Variants in TRIM33 observed in about 807,000 individuals in gnomAD.
TRIM33 encodes E3 ubiquitin-protein ligase TRIM33.
TRIM33 carries 20 observed loss-of-function variants against 125.4 expected under a neutral mutation model. That is an observed-to-expected ratio of 0.16 (90% CI 0.11 to 0.23). The LOEUF (loss-of-function observed/expected upper bound fraction) is 0.23, where lower values mean the gene tolerates loss of function less well. Ranked by LOEUF, TRIM33 falls within the 10% of genes least tolerant of loss-of-function variation. TRIM33 has a pLI of 1.00. For synonymous variants in TRIM33, 564 were observed against 513.9 expected (o/e 1.10, Z -1.32); for missense variants, 920 against 1,411.4 (o/e 0.65, Z 5.58).
At chr1:114,479,349 TCAAAC>T (rs533054493) in intron 1 of TRIM33, among the ~76,000 whole-genome samples, 117 of 151,128 alleles carry the variant, frequency 7.7e-4, no homozygotes, top group African/African-American at 2.8e-3. Context: ...ACGAAATGAA[TCAAAC>T]CAAACACATC....
Position 114,479,211 on chromosome 1 carries a change from G to A in TRIM33, c.527-14823C>T, listed in dbSNP as rs373123131. On this transcript the variant is annotated intron_variant, in intron 1 of 19. Coordinates refer to ENST00000358465, the MANE Select transcript of TRIM33 (RefSeq NM_015906.4). Reference sequence around the variant, plus strand: ...AGCTCCCAACATAAATGTAATAAAAGTCACAGGACATAAGAGCAAAGAAAT... The same window carrying A: ...AGCTCCCAACATAAATGTAATAAAAATCACAGGACATAAGAGCAAAGAAAT... Among the ~76,000 whole-genome samples, 5 of 152,256 alleles carry A rather than the reference G, an allele frequency of 3.3e-5. No individual in the cohort carries two copies. The East Asian group carries it at 5.8e-4, about 18-fold the overall frequency.
At chr1:114,443,782 T>G (rs2101258070) in intron 4 of TRIM33, among the ~76,000 whole-genome samples, 1 of 151,746 alleles carries the variant, frequency 6.6e-6, no homozygotes, top group Admixed American at 6.6e-5. Flanking sequence ...GCCTGTAATC[T>G]AAACACTTTG....
intron 4 of TRIM33, among the ~76,000 whole-genome samples, chr1:114,438,158 G>A (rs1648421397): frequency 6.6e-6 from 1 of 152,116 alleles, no homozygotes; most frequent in Non-Finnish European, 1.5e-5. Flanking sequence ...TAAGTCCTGT[G>A]CCCTACTACT....
At chr1:114,472,102 T>TA (rs1650689211) in intron 1 of TRIM33, among the ~76,000 whole-genome samples, 1 of 152,194 alleles carries the variant, frequency 6.6e-6, no homozygotes, top group African/African-American at 2.4e-5. Flanking sequence ...TGTGAACACT[T>TA]ATGCATCCCA....
At position 114,401,439 on chromosome 1, in the gene TRIM33, G is replaced by A. The variant is rs763180257; in HGVS notation, c.2917C>T (p.Leu973Phe). 2 of 1,612,304 alleles carry A rather than the reference G, an allele frequency of 1.2e-6. No individual in the cohort carries two copies. The highest frequency in any genetic ancestry group is 2.2e-5 in the South Asian group (2 of 90,982). The change falls in exon 17 of 20, where the codon CTC becomes TTC. Residue 973 changes from leucine (L) to phenylalanine (F), a missense_variant. Physicochemically the swap from Leu to Phe is conservative, Grantham distance 22. Coordinates refer to ENST00000358465, the MANE Select transcript of TRIM33 (RefSeq NM_015906.4). ...TCAATACTTAATTCATGGCAATAGA[G>A]GTAAAGCAGAAGACGTTCACATTTC... Reference protein sequence around the residue: ...QRKCERLLLYLYCHELSIEFQ... With the variant: ...QRKCERLLLYFYCHELSIEFQ...
At chr1:114,432,005 G>C (rs1420781075) in intron 5 of TRIM33, among the ~76,000 whole-genome samples, 2 of 152,200 alleles carry the variant, frequency 1.3e-5, no homozygotes, top group African/African-American at 4.8e-5. Flanking sequence ...TAAGTCTACT[G>C]TATGTTCAGT....
At chr1:114,406,357 C>G (rs1652244016) in intron 14 of TRIM33, among the ~76,000 whole-genome samples, 1 of 151,982 alleles carries the variant, frequency 6.6e-6, no homozygotes, top group African/African-American at 2.4e-5. Flanking sequence ...ATGTGCCAAC[C>G]ATATAAAAAA....
intron 18 of TRIM33, 62 bp downstream of exon 18, chr1:114,399,391 AAAAT>A: frequency 1.3e-6 from 2 of 1,500,086 alleles, no homozygotes; most frequent in Admixed American, 4.5e-5. Flanking sequence ...AGTCAGCAGA[AAAAT>A]AAAACAAGGA....
At chr1:114,485,652 C>T (rs1022919797) in intron 1 of TRIM33, among the ~76,000 whole-genome samples, 23 of 152,196 alleles carry the variant, frequency 1.5e-4, no homozygotes, top group Non-Finnish European at 1.8e-4. Flanking sequence ...TCTCACCTAT[C>T]TGCAACATGG....
intron 11 of TRIM33, among the ~76,000 whole-genome samples, chr1:114,417,650 T>C (rs751287084): frequency 4.6e-5 from 7 of 152,136 alleles, no homozygotes; most frequent in Non-Finnish European, 1.0e-4. Context: ...CTTTTCTTAT[T>C]ATTTATTTAT....
Position 114,406,943 on chromosome 1 carries a change from T to C in TRIM33, c.2416A>G (p.Met806Val). 1 of 1,613,384 alleles carries C rather than the reference T, an allele frequency of 6.2e-7. No homozygotes were observed. Residue 806 changes from methionine (M) to valine (V), a missense_variant and splice_region_variant, in exon 14 of 20, where the codon ATG (methionine) becomes GTG (valine). Transcript: ENST00000358465. ...KTEDGRRSAC[M>V]LSSPESSLTP... ...GTCAGACTCCAGTGGGAGCTTACCA[T>C]GCAAGCACTCCTCCTGCCATCCTCT...
Position 114,396,258 on chromosome 1 carries a change from T to C in TRIM33, c.*1390A>G, listed in dbSNP as rs964024291. 10 of 204,300 alleles carry C rather than the reference T, an allele frequency of 4.9e-5. No individual in the cohort carries two copies. The highest frequency in any genetic ancestry group is 8.1e-5 in the Non-Finnish European group (8 of 99,240). The allele number at this position is 204,300 out of a possible 1,614,324, so 12.7% of individuals were successfully genotyped here. On this transcript the variant is annotated 3_prime_UTR_variant, in exon 20 of 20. Coordinates refer to ENST00000358465, the MANE Select transcript of TRIM33 (RefSeq NM_015906.4). ...AAAAGAAAAATGAACCAGAGCCAAG[T>C]TGGTTTATCGGCCTCGGGTGCTGTA... is the stretch of plus-strand genomic sequence containing the variant.
In TRIM33 at chr1:114,447,753, T is replaced by C. The variant is rs533803558; in HGVS notation, c.924-14020A>G. Among the ~76,000 whole-genome samples the C allele has an allele frequency of 2.0e-5, 3 of 152,350 alleles. No homozygotes were observed. The South Asian group carries it at 6.2e-4, about 32-fold the overall frequency. ...GGAAGAAAATGAAAACAATGTGTTCTTCTGGTAGCCAAGTACATAAATGTG... is the reference window on the plus strand; with the variant it reads ...GGAAGAAAATGAAAACAATGTGTTCCTCTGGTAGCCAAGTACATAAATGTG... On this transcript the variant is annotated intron_variant, in intron 4 of 19. Coordinates refer to ENST00000358465, the MANE Select transcript of TRIM33 (RefSeq NM_015906.4).
At chr1:114,413,435 G>A (rs1652711547) in intron 11 of TRIM33, among the ~76,000 whole-genome samples, 2 of 151,640 alleles carry the variant, frequency 1.3e-5, no homozygotes, top group African/African-American at 4.8e-5. Flanking sequence ...GTGCATGCCT[G>A]TAATCCCAGC....
At chr1:114,483,895 A>G (rs1651508425) in intron 1 of TRIM33, among the ~76,000 whole-genome samples, 1 of 152,188 alleles carries the variant, frequency 6.6e-6, no homozygotes, top group Non-Finnish European at 1.5e-5. Flanking sequence ...GGAGTAGAGG[A>G]GTATTAGAAG....
chr1:114,498,126 C>CA (rs71090785), intron 1 of TRIM33, among the ~76,000 whole-genome samples: 5,185 of 73,778 alleles, frequency 0.07, 310 homozygotes, highest in African/African-American at 0.1. Context: ...GACTCTGTCT[C>CA]AAAAAAAAAA....
chr1:114,420,723 G>A (rs189182211), intron 11 of TRIM33, among the ~76,000 whole-genome samples: 2 of 152,310 alleles, frequency 1.3e-5, no homozygotes, highest in East Asian at 3.9e-4. Flanking sequence ...GTTATAGAAA[G>A]ACTGAATCAA....
chr1:114,414,654 T>C (rs1572025141), intron 11 of TRIM33, among the ~76,000 whole-genome samples: 1 of 152,186 alleles, frequency 6.6e-6, no homozygotes, highest in Non-Finnish European at 1.5e-5. Flanking sequence ...TGAGTAATGC[T>C]ATACAATTTA....
intron 1 of TRIM33, among the ~76,000 whole-genome samples, chr1:114,482,389 G>A (rs531416999): frequency 6.6e-6 from 1 of 152,206 alleles, no homozygotes; most frequent in East Asian, 1.9e-4. Flanking sequence ...CTATGAATAG[G>A]GAAGAAAGGG....
Sources: allele counts gnomAD v4.1 joint callset (sites outside exome capture counted in the v4.1 genomes callset), GRCh38; gene constraint gnomAD v4.1.1; transcripts MANE v1.5; gene names NCBI Gene and HGNC (gene_info 2026-07-23, HGNC 2026-07-21).